FER1L6: variants seen among roughly 807,000 people sequenced by gnomAD.
The protein encoded by FER1L6 is fer-1 like family member 6.
Under a neutral mutation model 219.2 loss-of-function variants are expected in FER1L6, and 177 were observed. The observed-to-expected ratio is 0.81, with a 90% CI of 0.71 to 0.91. FER1L6 has a LOEUF of 0.91. Ranked by LOEUF, FER1L6 falls within the 40% of genes least tolerant of loss-of-function variation. FER1L6 has a pLI of 0.00. For synonymous variants in FER1L6, 768 were observed against 824.3 expected, an observed-to-expected ratio of 0.93 and a Z score of 1.17; for missense variants, 2,153 against 2,259.9, an observed-to-expected ratio of 0.95 and a Z score of 0.96.
rs187593289 is a variant in FER1L6, at chr8:124,067,118, C to T, written c.3678+568C>T. Among the ~76,000 whole-genome samples the T allele has an allele frequency of 6.6e-5, 10 of 152,066 alleles. No homozygotes were observed. The East Asian group carries it at 1.4e-3, about 21-fold the overall frequency. ...AGGCCTGGAGAGTCCGGCAAAAGCT[C>T]GGCAACTGGATATGGTAAGATTTCC... On this transcript the variant is annotated intron_variant, in intron 27 of 40. Transcript: ENST00000522917.
chr8:124,067,672 G>T (rs1324481029), intron 27 of FER1L6, 95 bp from the exon 28 acceptor site: 1 of 1,074,048 alleles, frequency 9.3e-7, no homozygotes, highest in African/African-American at 1.6e-5. Context: ...TTTTAAAATA[G>T]TGTCTCTGGG....
chr8:123,867,729 C>A (rs149255791), intron 1 of FER1L6, among the ~76,000 whole-genome samples: 7 of 152,246 alleles, frequency 4.6e-5, no homozygotes, highest in African/African-American at 1.7e-4. Flanking sequence ...AATATTTGCA[C>A]GTAGCTGTTT....
Position 124,071,558 on chromosome 8 carries a change from G to C in FER1L6, c.4019G>C (p.Gly1340Ala), listed in dbSNP as rs1324972560. The C allele has an allele frequency of 3.7e-6, 6 of 1,613,976 alleles. No individual in the cohort carries two copies. The Admixed American group carries it at 8.3e-5, about 22-fold the overall frequency. Residue 1340 changes from glycine (G) to alanine (A), a missense_variant, in exon 31 of 41, where the codon GGG becomes GCG. Gly to Ala is a moderately conservative substitution (Grantham distance 60, BLOSUM62 0). Transcript: ENST00000522917. ...CAGGATTCTAGCTCTGAGGACAGCGGGCAGCTGAGAATCCAGCAAGGGATT... is the reference window on the plus strand; with the variant it reads ...CAGGATTCTAGCTCTGAGGACAGCGCGCAGCTGAGAATCCAGCAAGGGATT... ...SPQDSSSEDS[G>A]QLRIQQGIPP...
chr8:124,106,642 G>A (rs935230197), intron 39 of FER1L6, among the ~76,000 whole-genome samples: 3 of 152,016 alleles, frequency 2.0e-5, no homozygotes, highest in Non-Finnish European at 2.9e-5. Flanking sequence ...TAAATATTTG[G>A]AGATTATTTT....
intron 8 of FER1L6, 53 bp from the exon 9 acceptor site, chr8:123,975,845 C>T (rs1563719345): frequency 1.4e-6 from 2 of 1,431,776 alleles, no homozygotes; most frequent in Non-Finnish European, 9.4e-7. Context: ...TGTCTTTTCT[C>T]TCTGTTTCTT....
At chr8:123,942,513 G>A (rs1814280977) in intron 1 of FER1L6, among the ~76,000 whole-genome samples, 1 of 152,238 alleles carries the variant, frequency 6.6e-6, no homozygotes, top group South Asian at 2.1e-4. Context: ...GAGGCCAGAA[G>A]TCTGAAGTCA....
intron 11 of FER1L6, chr8:123,985,110 C>G (rs1816507716): frequency 6.6e-6 from 1 of 152,176 alleles, no homozygotes; most frequent in Non-Finnish European, 1.5e-5. Context: ...GTCTAGTCCT[C>G]CAGACTGTGG....
At chr8:124,044,606 A>G (rs1346989002) in intron 20 of FER1L6, among the ~76,000 whole-genome samples, 1 of 152,214 alleles carries the variant, frequency 6.6e-6, no homozygotes, top group Non-Finnish European at 1.5e-5. Flanking sequence ...CACAGTTCAG[A>G]AACTTCCCCT....
chr8:124,066,128 T>C (rs929000493), intron 26 of FER1L6, among the ~76,000 whole-genome samples: 1 of 152,208 alleles, frequency 6.6e-6, no homozygotes, highest in Non-Finnish European at 1.5e-5. Flanking sequence ...ATTTGTTGCA[T>C]GCCTAGCTCC....
chr8:123,876,366 T>A (rs1817004225), intron 1 of FER1L6, among the ~76,000 whole-genome samples: 1 of 152,082 alleles, frequency 6.6e-6, no homozygotes, highest in Non-Finnish European at 1.5e-5. Flanking sequence ...TGGCCCAGAC[T>A]GGAGTGCAGT....
intron 18 of FER1L6, among the ~76,000 whole-genome samples, chr8:124,033,495 A>AT (rs796412106): frequency 0.018 from 2,730 of 148,166 alleles, 89 homozygotes; most frequent in African/African-American, 0.062. Context: ...AACTTACTTG[A>AT]TTTTTTTTTT....
intron 39 of FER1L6, among the ~76,000 whole-genome samples, chr8:124,110,560 A>G (rs1822979877): frequency 6.6e-6 from 1 of 152,186 alleles, no homozygotes; most frequent in Non-Finnish European, 1.5e-5. Flanking sequence ...AAAGTCTCCC[A>G]ACTCAAAAGC....
At chr8:124,108,983 CATG>C (rs1371354515) in intron 39 of FER1L6, among the ~76,000 whole-genome samples, 1 of 152,050 alleles carries the variant, frequency 6.6e-6, no homozygotes, top group Non-Finnish European at 1.5e-5. Flanking sequence ...AAGAATTGGC[CATG>C]ATGATGAATT....
chr8:123,931,303 T>A (rs1461497956), intron 1 of FER1L6, among the ~76,000 whole-genome samples: 1 of 152,194 alleles, frequency 6.6e-6, no homozygotes, highest in Non-Finnish European at 1.5e-5. Flanking sequence ...CCACGGAGAC[T>A]GGTAGAAGAC....
At chr8:123,967,661 A>C (rs1474712763) in intron 5 of FER1L6, among the ~76,000 whole-genome samples, 1 of 152,138 alleles carries the variant, frequency 6.6e-6, no homozygotes, top group East Asian at 1.9e-4. Context: ...GGGCACTCTT[A>C]ATTCTTATTA....
At chr8:124,048,197 T>G (rs2130771068) in intron 21 of FER1L6, among the ~76,000 whole-genome samples, 1 of 152,364 alleles carries the variant, frequency 6.6e-6, no homozygotes, top group South Asian at 2.1e-4. Flanking sequence ...CAGCTGGGGT[T>G]GCACATATTG....
At chr8:123,959,766 G>A (rs551535272) in intron 2 of FER1L6, among the ~76,000 whole-genome samples, 2 of 152,290 alleles carry the variant, frequency 1.3e-5, no homozygotes, top group East Asian at 3.9e-4. Context: ...CTTCAGGAGT[G>A]TCTGAAGGTG....
chr8:123,980,536 G>T lies in FER1L6; in HGVS notation c.1135G>T (p.Asp379Tyr). ...GCCCAGGAACCACAGTCTGATGGAT[G>T]ACTACCAGGAAATGAACGAAGGCTT... ...GSPRNHSLMD[D>Y]YQEMNEGFGE... is the part of the protein sequence containing the mutation. Residue 379 changes from aspartate (D) to tyrosine (Y), a missense_variant, in exon 11 of 41, where the codon GAC (aspartate) becomes TAC (tyrosine). Transcript: ENST00000522917. 1 of 1,614,108 alleles carries T rather than the reference G, an allele frequency of 6.2e-7. No homozygotes were observed. Among genetic ancestry groups the T allele is most frequent in the South Asian group, 1.1e-5 (1 of 91,062 alleles).
chr8:124,021,037 C>T (rs1379044793), intron 16 of FER1L6, among the ~76,000 whole-genome samples: 2 of 152,106 alleles, frequency 1.3e-5, no homozygotes, highest in Non-Finnish European at 2.9e-5. Context: ...GAGCAAGTCA[C>T]ATCTTACATG....
Sources: gnomAD v4.1 joint callset for allele counts (sites outside exome capture counted in the v4.1 genomes callset) on GRCh38, gnomAD v4.1.1 for gene constraint, MANE v1.5 for transcripts, NCBI Gene and HGNC (gene_info 2026-07-23, HGNC 2026-07-21) for gene names.